The following RNF38 variants were observed in gnomAD, a reference collection of about 807,000 sequenced individuals.
RNF38 encodes E3 ubiquitin-protein ligase RNF38.
Under a neutral mutation model 67.2 loss-of-function variants are expected in RNF38, and 15 were observed. The observed-to-expected ratio is 0.22, with a 90% CI of 0.15 to 0.34. The LOEUF (loss-of-function observed/expected upper bound fraction) is 0.34, where lower values mean the gene tolerates loss of function less well. RNF38 is among the 10% of genes least tolerant of loss of function. RNF38 has a pLI of 1.00. For synonymous variants in RNF38, 220 were observed against 218.8 expected, an observed-to-expected ratio of 1.01 and a Z score of -0.05; for missense variants, 524 against 639.9, an observed-to-expected ratio of 0.82 and a Z score of 1.95.
intron 1 of RNF38, among the ~76,000 whole-genome samples, chr9:36,392,574 C>T (rs1837192225): frequency 6.6e-6 from 1 of 151,884 alleles, no homozygotes; most frequent in African/African-American, 2.4e-5. Flanking sequence ...CCCATCTCTA[C>T]TCAAAAAAAT....
At chr9:36,351,616 T>C (rs563992490) in intron 8 of RNF38, among the ~76,000 whole-genome samples, 3 of 152,042 alleles carry the variant, frequency 2.0e-5, no homozygotes, top group South Asian at 2.1e-4. Context: ...GACATTAAGA[T>C]AGAAAGATAA....
chr9:36,452,209 G>C (rs144990899), intron 1 of RNF38, among the ~76,000 whole-genome samples: 19 of 152,280 alleles, frequency 1.2e-4, no homozygotes, highest in African/African-American at 4.6e-4. Flanking sequence ...CTAGGTAACA[G>C]ACTGAGCTGA....
chr9:36,469,554 G>C (rs573508444), intron 1 of RNF38, among the ~76,000 whole-genome samples: 138 of 152,018 alleles, frequency 9.1e-4, no homozygotes, highest in African/African-American at 3.2e-3. Context: ...CCAGCTACTC[G>C]GGAGGCTGAG....
chr9:36,348,794 G>A (rs934327244), intron 9 of RNF38, among the ~76,000 whole-genome samples: 6 of 152,238 alleles, frequency 3.9e-5, no homozygotes, highest in African/African-American at 1.4e-4. Context: ...TACAGAAGCT[G>A]TAGCAAGTTA....
At chr9:36,473,295 T>C (rs1263616941) in intron 1 of RNF38, among the ~76,000 whole-genome samples, 4 of 151,510 alleles carry the variant, frequency 2.6e-5, no homozygotes, top group Admixed American at 6.6e-5. Flanking sequence ...ACCCCATTTG[T>C]AAAAATAAAT....
chr9:36,395,740 T>C (rs140761458), intron 1 of RNF38, among the ~76,000 whole-genome samples: 1,558 of 152,346 alleles, frequency 0.01, 21 homozygotes, highest in Middle Eastern at 0.037. Context: ...AAAAGCCATA[T>C]GCATGAATAT....
upstream of RNF38, among the ~76,000 whole-genome samples, chr9:36,402,334 CTTG>C (rs1368472659): frequency 6.6e-6 from 1 of 151,332 alleles, no homozygotes; most frequent in African/African-American, 2.4e-5. Context: ...CACATCTAAA[CTTG>C]TTTTTTTTGT....
chr9:36,446,047 A>G (rs1278967266), intron 1 of RNF38, among the ~76,000 whole-genome samples: 1 of 152,032 alleles, frequency 6.6e-6, no homozygotes, highest in African/African-American at 2.4e-5. Flanking sequence ...TGGCTCTTAC[A>G]CAGGGAAGTC....
rs574375932 is a variant in RNF38, at chr9:36,470,317, C to G, written n.241+16991G>C. 9.2e-5 allele frequency among the ~76,000 whole-genome samples: 14 copies of G among 152,290 alleles called. No homozygotes were observed. In the South Asian group the frequency reaches 2.5e-3, roughly 27 times the overall value. On this transcript the variant is annotated intron_variant and non_coding_transcript_variant, in intron 1 of 3. Transcript: ENST00000488058. ...CCTGGTCTACCTCAGGGCCACAAAC[C>G]ATAAGCCCCAATCCATAATGCTTCG...
At chr9:36,378,949 G>A (rs143947071) in intron 2 of RNF38, among the ~76,000 whole-genome samples, 33 of 149,546 alleles carry the variant, frequency 2.2e-4, no homozygotes, top group African/African-American at 8.1e-4. Flanking sequence ...TGCCCAGGCT[G>A]GAGTGCAGTG....
chr9:36,424,603 C>A (rs925490513), intron 2 of RNF38: 1 of 984,176 alleles, frequency 1.0e-6, no homozygotes, highest in Non-Finnish European at 1.2e-6. Flanking sequence ...GACATCAACA[C>A]GAACCTCACC....
intron 2 of RNF38, among the ~76,000 whole-genome samples, chr9:36,381,654 C>A (rs1018118822): frequency 6.6e-6 from 1 of 152,326 alleles, no homozygotes; most frequent in South Asian, 2.1e-4. Flanking sequence ...ACTCTATAAA[C>A]CAACTGCAAA....
In RNF38 at chr9:36,368,290, T is replaced by A. The variant is rs1374910888; in HGVS notation, c.570+1429A>T. On this transcript the variant is annotated intron_variant, in intron 4 of 11. Transcript: ENST00000259605. ...TATGTAATGTTTTCATATTCCAATA[T>A]ACAGACTCAACACGTAACACTACTA... Among the ~76,000 whole-genome samples, 5 of 152,108 alleles carry A rather than the reference T, an allele frequency of 3.3e-5. No individual in the cohort carries two copies. In the East Asian group the frequency reaches 9.6e-4, roughly 29 times the overall value.
intron 1 of RNF38, among the ~76,000 whole-genome samples, chr9:36,397,366 G>A (rs1005363175): frequency 3.3e-5 from 5 of 151,830 alleles, no homozygotes; most frequent in East Asian, 1.9e-4. Flanking sequence ...CACCAACCTC[G>A]GCCTCCCAAA....
intron 9 of RNF38, 126 bp downstream of exon 9, chr9:36,350,989 G>T: frequency 4.3e-6 from 3 of 697,770 alleles, no homozygotes; most frequent in Non-Finnish European, 7.5e-6. Flanking sequence ...GCCCAACACA[G>T]TAATTCTTCT....
chr9:36,395,738 T>C (rs1837465610), intron 1 of RNF38, among the ~76,000 whole-genome samples: 1 of 152,212 alleles, frequency 6.6e-6, no homozygotes, highest in Admixed American at 6.5e-5. Context: ...AGAAAAGCCA[T>C]ATGCATGAAT....
chr9:36,364,732 A>G (rs1387791804), intron 4 of RNF38, among the ~76,000 whole-genome samples: 3 of 152,242 alleles, frequency 2.0e-5, no homozygotes, highest in Non-Finnish European at 4.4e-5. Context: ...TCTAATTACA[A>G]TGTGCATTAG....
At chr9:36,357,321 T>G (rs1380395351) in intron 5 of RNF38, among the ~76,000 whole-genome samples, 3 of 152,200 alleles carry the variant, frequency 2.0e-5, no homozygotes, top group African/African-American at 7.2e-5. Context: ...ACTTTCATCA[T>G]AGGTTTCCTA....
chr9:36,355,423 C>T (rs1452857271), intron 6 of RNF38, among the ~76,000 whole-genome samples: 1 of 152,138 alleles, frequency 6.6e-6, no homozygotes, highest in Non-Finnish European at 1.5e-5. Context: ...AAATAATAGG[C>T]CTCTCAACTA....
Sources: allele counts gnomAD v4.1 joint callset (sites outside exome capture counted in the v4.1 genomes callset), GRCh38; gene constraint gnomAD v4.1.1; transcripts MANE v1.5; gene names NCBI Gene and HGNC (gene_info 2026-07-23, HGNC 2026-07-21).